The following GARIN1B variants were observed in gnomAD, a reference collection of about 807,000 sequenced individuals.
GARIN1B encodes Golgi-associated RAB2 interactor protein 1B.
At chr7:128,724,221 G>C in the GARIN1B span, among the ~76,000 whole-genome samples, 1 of 152,128 alleles carries the variant, frequency 6.6e-6, no homozygotes, top group African/African-American at 2.4e-5. Context: ...ATGCTGGCCA[G>C]GCTGGTCTCG....
At chr7:128,719,126 G>A in the GARIN1B span, 1 of 1,593,592 alleles carries the variant, frequency 6.3e-7, no homozygotes, top group South Asian at 1.1e-5. Flanking sequence ...GGCCAAAGCA[G>A]CAAGGTAGAG....
At chr7:128,728,428 C>T in the GARIN1B span, among the ~76,000 whole-genome samples, 12 of 116,564 alleles carry the variant, frequency 1.0e-4, no homozygotes, top group Non-Finnish European at 1.4e-4. Flanking sequence ...GGTGACAGAG[C>T]GAGACTCAGA....
the GARIN1B span, among the ~76,000 whole-genome samples, chr7:128,714,941 C>T: frequency 0.24 from 36,339 of 152,088 alleles, 5,154 homozygotes; most frequent in East Asian, 0.6. Flanking sequence ...GCACCAACTG[C>T]CCTGCAACTG....
chr7:128,718,862 G>T, the GARIN1B span: 1 of 1,614,176 alleles, frequency 6.2e-7, no homozygotes, highest in South Asian at 1.1e-5. Flanking sequence ...GGAGCTCCAG[G>T]TATGTGACCA....
At chr7:128,713,244 T>C in the GARIN1B span, among the ~76,000 whole-genome samples, 2 of 152,082 alleles carry the variant, frequency 1.3e-5, no homozygotes, top group East Asian at 1.9e-4. Context: ...GACATGGAGG[T>C]TGCAGTGAGC....
the GARIN1B span, among the ~76,000 whole-genome samples, chr7:128,720,151 G>A: frequency 2.0e-5 from 3 of 151,220 alleles, no homozygotes. Context: ...TGTTTTTGAG[G>A]AGCAAAAGTT....
At chr7:128,723,378 G>A in the GARIN1B span, 14 of 1,576,662 alleles carry the variant, frequency 8.9e-6, no homozygotes, top group African/African-American at 1.4e-4. Context: ...GATGGTCTGG[G>A]CTGTGAGATC....
chr7:128,724,732 A>C, the GARIN1B span: 2 of 1,289,432 alleles, frequency 1.6e-6, no homozygotes, highest in Non-Finnish European at 1.0e-6. Context: ...CAGGAGAGAA[A>C]AATGAGGTGT....
the GARIN1B span, chr7:128,723,296 T>C: frequency 6.2e-7 from 1 of 1,612,818 alleles, no homozygotes. Flanking sequence ...TTTTGCCGAC[T>C]TACACCAGCA....
At chr7:128,728,217 A>C in the GARIN1B span, among the ~76,000 whole-genome samples, 542 of 152,202 alleles carry the variant, frequency 3.6e-3, 3 homozygotes, top group African/African-American at 0.013. Flanking sequence ...GCCGAGGTGG[A>C]TGGATCACGA....
chr7:128,730,033 G>A, the GARIN1B span: 1 of 1,614,106 alleles, frequency 6.2e-7, no homozygotes, highest in Admixed American at 1.7e-5. Context: ...CAGCACTCTG[G>A]CAGCCTCCAC....
the GARIN1B span, among the ~76,000 whole-genome samples, chr7:128,714,751 G>A: frequency 6.6e-6 from 1 of 152,092 alleles, no homozygotes; most frequent in Non-Finnish European, 1.5e-5. Flanking sequence ...CTCCAAGAGG[G>A]GGAACAGCTT....
At chr7:128,725,359 TTCCTTCCTTCCTTC>T in the GARIN1B span, among the ~76,000 whole-genome samples, 4 of 151,238 alleles carry the variant, frequency 2.6e-5, no homozygotes, top group South Asian at 8.5e-4. Context: ...CCTTCCTTCC[TTCCTTCCTTCCTTC>T]CTTCCTTTTT....
At chr7:128,713,911 T>TA in the GARIN1B span, 2 of 1,323,658 alleles carry the variant, frequency 1.5e-6, no homozygotes, top group Non-Finnish European at 2.1e-6. Flanking sequence ...GTGCTGTGTG[T>TA]TCCCTTTCTA....
chr7:128,714,080 G>A, the GARIN1B span: 1 of 1,535,876 alleles, frequency 6.5e-7, no homozygotes, highest in Non-Finnish European at 8.7e-7. Flanking sequence ...AACAGGTGCT[G>A]GAGCAGGGGT....
the GARIN1B span, chr7:128,715,518 C>A: frequency 6.2e-7 from 1 of 1,614,144 alleles, no homozygotes; most frequent in Non-Finnish European, 8.5e-7. Flanking sequence ...TCCTATCCAA[C>A]CTTCCCTTCC....
chr7:128,713,993 GA>G, the GARIN1B span: 2 of 1,529,372 alleles, frequency 1.3e-6, no homozygotes, highest in Non-Finnish European at 1.7e-6. Flanking sequence ...TGACCATGAA[GA>G]CACTTTTCCT....
chr7:128,715,346 A>C, the GARIN1B span: 2 of 1,540,062 alleles, frequency 1.3e-6, no homozygotes, highest in South Asian at 2.5e-5. Flanking sequence ...TTGTGAGCTG[A>C]CTGGTGGTCC....
chr7:128,729,210 C>A, the GARIN1B span, among the ~76,000 whole-genome samples: 1 of 152,032 alleles, frequency 6.6e-6, no homozygotes, highest in Non-Finnish European at 1.5e-5. Context: ...GACTGTTATA[C>A]CCCAGCCTCT....
Sources: gnomAD v4.1 joint callset for allele counts (sites outside exome capture counted in the v4.1 genomes callset) on GRCh38, gnomAD v4.1.1 for gene constraint, MANE v1.5 for transcripts, NCBI Gene and HGNC (gene_info 2026-07-23, HGNC 2026-07-21) for gene names.